CNTN3: variants seen among roughly 807,000 people sequenced by gnomAD.
The protein encoded by CNTN3 is contactin-3.
CNTN3 carries 60 observed loss-of-function variants against 119.1 expected under a neutral mutation model. That is an observed-to-expected ratio of 0.50 (90% confidence interval 0.41 to 0.62). CNTN3 has a LOEUF of 0.62. Among genes scored for constraint, CNTN3 ranks in the 20% least tolerant of loss-of-function variants. CNTN3 has a pLI of 0.00. For missense variants in CNTN3, 1,101 were observed against 1,242.4 expected, an observed-to-expected ratio of 0.89 and a Z score of 1.71; for synonymous variants, 450 against 438.7, an observed-to-expected ratio of 1.03 and a Z score of -0.32.
intron 19 of CNTN3, among the ~76,000 whole-genome samples, chr3:74,287,517 C>A (rs1240614219): frequency 6.6e-6 from 1 of 152,122 alleles, no homozygotes; most frequent in East Asian, 1.9e-4. Flanking sequence ...AATAGATTTT[C>A]AAAGACAAAT....
At chr3:74,454,969 C>A (rs1702238413) in intron 4 of CNTN3, among the ~76,000 whole-genome samples, 1 of 152,130 alleles carries the variant, frequency 6.6e-6, no homozygotes, top group South Asian at 2.1e-4. Context: ...TTTGGTGACT[C>A]TGACAATTAT....
intron 1 of CNTN3, among the ~76,000 whole-genome samples, 135 bp downstream of exon 1, chr3:74,614,256 G>C (rs1705131258): frequency 6.6e-6 from 1 of 152,134 alleles, no homozygotes; most frequent in Non-Finnish European, 1.5e-5. Context: ...TTTTATTCTC[G>C]ACCCGTCAGG....
At chr3:74,495,388 A>C (rs1255742825) in intron 3 of CNTN3, among the ~76,000 whole-genome samples, 1 of 152,060 alleles carries the variant, frequency 6.6e-6, no homozygotes, top group African/African-American at 2.4e-5. Context: ...ATATTATGAT[A>C]GACTAGCATA....
intron 1 of CNTN3, among the ~76,000 whole-genome samples, chr3:74,589,261 A>G (rs1704654850): frequency 6.6e-6 from 1 of 152,166 alleles, no homozygotes; most frequent in Non-Finnish European, 1.5e-5. Context: ...AATTTACAAG[A>G]AAAAAACAAA....
intron 13 of CNTN3, among the ~76,000 whole-genome samples, chr3:74,306,765 C>G (rs539250334): frequency 4.4e-4 from 67 of 152,088 alleles, no homozygotes; most frequent in Non-Finnish European, 8.2e-4. Context: ...AAATTGAGTT[C>G]CTTTTTCAAA....
intron 4 of CNTN3, among the ~76,000 whole-genome samples, chr3:74,444,460 A>G (rs1702017141): frequency 6.6e-6 from 1 of 152,158 alleles, no homozygotes; most frequent in Admixed American, 6.6e-5. Context: ...TTTTCCAGAA[A>G]GCTATGGGAA....
At chr3:74,361,781 C>T in intron 11 of CNTN3, 109 bp downstream of exon 11, 1 of 1,121,114 alleles carries the variant, frequency 8.9e-7, no homozygotes, top group African/African-American at 1.6e-5. Context: ...AAAGATCTCA[C>T]ATGCTACTGA....
chr3:74,506,427 A>C (rs2107093182), intron 2 of CNTN3, among the ~76,000 whole-genome samples: 1 of 152,298 alleles, frequency 6.6e-6, no homozygotes, highest in East Asian at 1.9e-4. Context: ...CGCAGGACAT[A>C]ATGTTTTTGG....
At chr3:74,583,971 G>A (rs1380551577) in intron 1 of CNTN3, among the ~76,000 whole-genome samples, 1 of 152,044 alleles carries the variant, frequency 6.6e-6, no homozygotes, top group African/African-American at 2.4e-5. Context: ...TTGAACCAAG[G>A]AACTAATTCT....
intron 4 of CNTN3, among the ~76,000 whole-genome samples, chr3:74,426,625 G>A (rs192376590): frequency 6.6e-6 from 1 of 152,262 alleles, no homozygotes; most frequent in African/African-American, 2.4e-5. Flanking sequence ...TCTTGTGTGT[G>A]CCCAGAAAAG....
intron 5 of CNTN3, among the ~76,000 whole-genome samples, chr3:74,395,579 T>C (rs1705027337): frequency 1.3e-5 from 2 of 152,184 alleles, no homozygotes; most frequent in Non-Finnish European, 2.9e-5. Flanking sequence ...GAAAAAGTTA[T>C]TTTATTGCCC....
At chr3:74,353,617 G>T (rs892462768) in intron 11 of CNTN3, among the ~76,000 whole-genome samples, 3 of 152,008 alleles carry the variant, frequency 2.0e-5, no homozygotes, top group Middle Eastern at 3.2e-3. Flanking sequence ...TTAGCCGGGC[G>T]TGGTGGCAGG....
intron 1 of CNTN3, among the ~76,000 whole-genome samples, chr3:74,570,175 T>G (rs1456470280): frequency 6.6e-6 from 1 of 151,910 alleles, no homozygotes; most frequent in Admixed American, 6.6e-5. Context: ...ATCATGGAGT[T>G]CTACCCATAC....
chr3:74,518,176 T>C (rs934275294), intron 2 of CNTN3, among the ~76,000 whole-genome samples: 2 of 151,964 alleles, frequency 1.3e-5, no homozygotes, highest in African/African-American at 4.8e-5. Context: ...TTAGTCACCA[T>C]GCAGCTTACA....
At chr3:74,302,601 T>C in intron 14 of CNTN3, 89 bp downstream of exon 14, 1 of 768,858 alleles carries the variant, frequency 1.3e-6, no homozygotes, top group Non-Finnish European at 2.3e-6. Flanking sequence ...ACTCGTATGC[T>C]CACATACTAT....
At chr3:74,515,842 T>C (rs1703441542) in intron 2 of CNTN3, among the ~76,000 whole-genome samples, 1 of 152,012 alleles carries the variant, frequency 6.6e-6, no homozygotes, top group Non-Finnish European at 1.5e-5. Context: ...ACCATTCACT[T>C]AAGGCTTTTC....
chr3:74,279,905 G>A (rs537055472), intron 20 of CNTN3, among the ~76,000 whole-genome samples: 1 of 152,212 alleles, frequency 6.6e-6, no homozygotes, highest in East Asian at 1.9e-4. Flanking sequence ...GATAAGTGGA[G>A]ATTAACAGGG....
rs115060174 is a variant in CNTN3, at chr3:74,541,052, T to C, written c.-80-19860A>G. Among the ~76,000 whole-genome samples the C allele has an allele frequency of 4.5e-3, 680 of 152,210 alleles. 7 individuals carry two copies. Among genetic ancestry groups the C allele is most frequent in the African/African-American group, 0.016 (646 of 41,542 alleles). On this transcript the variant is annotated intron_variant, in intron 1 of 22. Coordinates refer to ENST00000263665, the MANE Select transcript of CNTN3 (RefSeq NM_020872.3). ...AATCTCACACTCTAGGTAAAACTAA[T>C]AGCAGGAAGTAAAAAGTTACAGGGT... is the stretch of plus-strand genomic sequence containing the variant.
intron 13 of CNTN3, among the ~76,000 whole-genome samples, chr3:74,312,455 CAAAAAAAAA>C (rs745514119): frequency 1.4e-4 from 4 of 27,808 alleles, no homozygotes; most frequent in Admixed American, 1.0e-3. Context: ...GACTCCATCT[CAAAAAAAAA>C]AAAAAAAAAA....
Sources: gnomAD v4.1 joint callset for allele counts (sites outside exome capture counted in the v4.1 genomes callset) on GRCh38, gnomAD v4.1.1 for gene constraint, MANE v1.5 for transcripts, NCBI Gene and HGNC (gene_info 2026-07-23, HGNC 2026-07-21) for gene names.